Variants in CFAP74 observed in about 807,000 individuals in gnomAD.
CFAP74 encodes the protein cilia- and flagella-associated protein 74.
A neutral mutation model predicts 188.9 loss-of-function variants in CFAP74; 124 were observed. The observed-to-expected ratio is 0.66, with a 90% CI of 0.57 to 0.76. The LOEUF (loss-of-function observed/expected upper bound fraction) is 0.76, where lower values mean the gene tolerates loss of function less well. CFAP74 is among the 30% of genes least tolerant of loss of function. The probability of loss-of-function intolerance (pLI) is 0.00; values close to 1 mark genes in which losing one functional copy is unlikely to be tolerated. For synonymous variants in CFAP74, 956 were observed against 916.7 expected, an observed-to-expected ratio of 1.04 and a Z score of -0.77; for missense variants, 2,198 against 2,165.2, an observed-to-expected ratio of 1.02 and a Z score of -0.30.
chr1:1,998,138 T>C (rs1306675228), intron 1 of CFAP74, among the ~76,000 whole-genome samples: 2 of 151,818 alleles, frequency 1.3e-5, no homozygotes, highest in Non-Finnish European at 2.9e-5. Context: ...ATTAGCCGAG[T>C]GTGGTGGCGG....
intron 4 of CFAP74, among the ~76,000 whole-genome samples, chr1:1,987,793 G>A (rs1657334784): frequency 6.6e-6 from 1 of 152,104 alleles, no homozygotes; most frequent in Non-Finnish European, 1.5e-5. Context: ...ACCCACCTTG[G>A]CCTCCCAAAG....
intron 16 of CFAP74, 94 bp from the exon 17 acceptor site, chr1:1,956,878 CT>C: frequency 7.4e-7 from 1 of 1,353,468 alleles, no homozygotes; most frequent in Non-Finnish European, 1.0e-6. Flanking sequence ...CAGGGCTGCC[CT>C]GAGCATTTGT....
chr1:1,986,876 C>G, intron 5 of CFAP74, 61 bp downstream of exon 5: 7 of 1,423,808 alleles, frequency 4.9e-6, no homozygotes, highest in Non-Finnish European at 6.8e-6. Flanking sequence ...TTGGGTGAAC[C>G]AGTGAACCTC....
At position 1,973,005 on chromosome 1, in the gene CFAP74, C is replaced by T; in HGVS notation, c.717G>A (p.Gln239=). Reference sequence around the variant, plus strand: ...TCTTCCGGGCGTCCTCCAGCAGCTTCTGGTGCCTGAGCCCGAGCTCCTTCT... The same window carrying T: ...TCTTCCGGGCGTCCTCCAGCAGCTTTTGGTGCCTGAGCCCGAGCTCCTTCT... The part of the protein sequence containing the change: ...NTQKELGLRH[Q]KLLEDARKNH... Residue 239 remains glutamine, a synonymous_variant, in exon 8 of 39, where the codon CAG becomes CAA. Coordinates refer to ENST00000682832, the MANE Select transcript of CFAP74 (RefSeq NM_001304360.2). The surrounding 1 kb of genome is among the most constrained non-coding windows in gnomAD (Gnocchi z 6.2). 1 of 1,614,074 alleles carries T rather than the reference C, an allele frequency of 6.2e-7. No homozygotes were observed. The highest frequency in any genetic ancestry group is 1.1e-5 in the South Asian group (1 of 91,068).
chr1:1,991,831 A>C (rs1359935457), intron 1 of CFAP74, among the ~76,000 whole-genome samples: 1 of 151,964 alleles, frequency 6.6e-6, no homozygotes, highest in African/African-American at 2.4e-5. Context: ...CGAGGTCAGG[A>C]GATCGAGACT....
chr1:1,993,704 AG>A (rs1657729139), intron 1 of CFAP74, among the ~76,000 whole-genome samples: 6 of 39,580 alleles, frequency 1.5e-4, no homozygotes, highest in African/African-American at 2.3e-4. Context: ...ATAAATCAGC[AG>A]GGCACAGTGG....
Position 1,968,850 on chromosome 1 carries a change from C to A in CFAP74, c.1047-17G>T, listed in dbSNP as rs1281049238. ...TCAAAGGCCCTGCGTGGAGTCGCTTCTCAGATGAGTGCAAGAGGTCCCCTG... is the reference window on the plus strand; with the variant it reads ...TCAAAGGCCCTGCGTGGAGTCGCTTATCAGATGAGTGCAAGAGGTCCCCTG... On this transcript the variant is annotated splice_polypyrimidine_tract_variant and intron_variant, in intron 10 of 38. Coordinates refer to ENST00000682832, the MANE Select transcript of CFAP74 (RefSeq NM_001304360.2). This position sits in a 1 kb window ranked among gnomAD's most constrained non-coding sequence, Gnocchi z 4.3. 1 of 1,612,776 alleles carries A rather than the reference C, an allele frequency of 6.2e-7. No individual in the cohort carries two copies. The highest frequency in any genetic ancestry group is 2.2e-5 in the East Asian group (1 of 44,856).
chr1:1,937,384 C>T (rs570423384), intron 25 of CFAP74, among the ~76,000 whole-genome samples: 24 of 152,286 alleles, frequency 1.6e-4, no homozygotes, highest in African/African-American at 5.1e-4. Flanking sequence ...ACAGGACAAA[C>T]GCACCTGGCG....
intron 29 of CFAP74, 60 bp from the exon 30 acceptor site, chr1:1,926,821 A>G (rs1424762953): frequency 9.7e-6 from 15 of 1,548,090 alleles, no homozygotes; most frequent in Non-Finnish European, 1.2e-5. Flanking sequence ...CCCAGGCCCC[A>G]GAGTTGGGCA....
chr1:1,955,844 G>A lies in CFAP74; in HGVS notation c.2023C>T (p.Leu675Phe). Residue 675 changes from leucine to phenylalanine, a missense_variant, in exon 18 of 39, where the codon CTC becomes TTC. Physicochemically the swap from Leu to Phe is conservative, Grantham distance 22. Transcript: ENST00000682832. ...DSQSALKLSSLLTYEDKSLYD... is the reference protein window; with the variant it reads ...DSQSALKLSSFLTYEDKSLYD... ...AAGCTTTTATCTTCGTAGGTCAGGAGACTGCTCTAGAGAGGAGAATCAACA... is the reference window on the plus strand; with the variant it reads ...AAGCTTTTATCTTCGTAGGTCAGGAAACTGCTCTAGAGAGGAGAATCAACA... 1 of 1,612,468 alleles carries A rather than the reference G, an allele frequency of 6.2e-7. No individual in the cohort carries two copies. Among genetic ancestry groups the A allele is most frequent in the Non-Finnish European group, 8.5e-7 (1 of 1,179,822 alleles).
chr1:2,002,106 G>C (rs1004775584), intron 1 of CFAP74, among the ~76,000 whole-genome samples: 2 of 152,140 alleles, frequency 1.3e-5, no homozygotes, highest in Non-Finnish European at 2.9e-5. Flanking sequence ...GCCATGTGTG[G>C]CTGTGTTGGA....
At chr1:1,970,384 T>C (rs892569206) in intron 10 of CFAP74, among the ~76,000 whole-genome samples, 13 of 151,892 alleles carry the variant, frequency 8.6e-5, no homozygotes, top group Non-Finnish European at 1.0e-4. Context: ...CCGGAGGCTC[T>C]CGACAGGGGC....
chr1:1,956,665 A>G lies in CFAP74; in HGVS notation c.1971T>C (p.Ala657=). Residue 657 remains alanine (A), a synonymous_variant, in exon 17 of 39, where the codon GCT becomes GCC. Transcript: ENST00000682832. ...GLGTTFKFLP[A]SEPCEMDDSQ... ...AGTCGTCCATCTCACAGGGCTCTGAAGCTGGCAGGAACTTGAAAGTCGTGC... is the reference window on the plus strand; with the variant it reads ...AGTCGTCCATCTCACAGGGCTCTGAGGCTGGCAGGAACTTGAAAGTCGTGC... The G allele has an allele frequency of 1.9e-6, 3 of 1,614,188 alleles. No individual in the cohort carries two copies. Among genetic ancestry groups the G allele is most frequent in the Non-Finnish European group, 2.5e-6 (3 of 1,180,032 alleles).
Position 1,923,207 on chromosome 1 carries a change from G to T in CFAP74, c.4523-62C>A. The T allele has an allele frequency of 6.5e-7, 1 of 1,531,764 alleles. No individual in the cohort carries two copies. Among genetic ancestry groups the T allele is most frequent in the Non-Finnish European group, 8.8e-7 (1 of 1,137,780 alleles). The allele number at this position is 1,531,764 out of a possible 1,614,324, so 94.9% of individuals were successfully genotyped here. ...GGCTGAGGCATGGGGTGAGGCTGCA[G>T]CTGGACTCCTGAACTCTGGTTAGCA... On this transcript the variant is annotated intron_variant, in intron 36 of 38. Transcript: ENST00000682832. The surrounding 1 kb of genome is among the most constrained non-coding windows in gnomAD (Gnocchi z 6.3).
intron 6 of CFAP74, chr1:1,985,071 C>G (rs1334558963): frequency 1.0e-5 from 3 of 297,210 alleles, no homozygotes; most frequent in African/African-American, 4.2e-5. Context: ...TAGGACGAGG[C>G]AGCTGTCTCT....
intron 27 of CFAP74, chr1:1,928,072 C>T: frequency 2.4e-6 from 1 of 409,608 alleles, no homozygotes; most frequent in Non-Finnish European, 4.6e-6. Flanking sequence ...AAGTGCTTCC[C>T]CTCGAGTGCA....
rs1489690456 is a variant in CFAP74, at chr1:1,930,221, C to T, written c.3127G>A (p.Val1043Ile). 1.4e-5 allele frequency: 22 copies of T among 1,535,716 alleles called. No individual in the cohort carries two copies. Among genetic ancestry groups the T allele is most frequent in the Admixed American group, 2.0e-5 (1 of 50,980 alleles). ...CTCATGCTCAGGTGAGAGTTGATGA[C>T]GTACACTGTAGCCACGGAGGTGTCG... Reference protein sequence around the residue: ...LYDTSVATVYVINSHLSMSSP... With the variant: ...LYDTSVATVYIINSHLSMSSP... Residue 1043 changes from valine (V) to isoleucine (I), a missense_variant, in exon 26 of 39, where the codon GTC becomes ATC. Coordinates refer to ENST00000682832, the MANE Select transcript of CFAP74 (RefSeq NM_001304360.2).
intron 33 of CFAP74, 144 bp downstream of exon 33, chr1:1,925,639 T>G: frequency 2.5e-6 from 2 of 812,654 alleles, no homozygotes; most frequent in African/African-American, 1.7e-5. Flanking sequence ...GCGGCAGCTG[T>G]GTAGAGGAGG....
intron 25 of CFAP74, among the ~76,000 whole-genome samples, chr1:1,937,434 G>A (rs1426701265): frequency 6.6e-6 from 1 of 152,176 alleles, no homozygotes; most frequent in African/African-American, 2.4e-5. Context: ...GAGATGGAGG[G>A]AGGCCCCAGT....
Sources: gnomAD v4.1 joint callset for allele counts (sites outside exome capture counted in the v4.1 genomes callset) on GRCh38, gnomAD v4.1.1 for gene constraint, Gnocchi (gnomAD v3.1) non-coding constraint, MANE v1.5 for transcripts, NCBI Gene and HGNC (gene_info 2026-07-23, HGNC 2026-07-21) for gene names.